The following CHCHD6 variants were observed in gnomAD, a reference collection of about 807,000 sequenced individuals.
CHCHD6 encodes MICOS complex subunit MIC25.
CHCHD6 carries 28 observed loss-of-function variants against 32.3 expected under a neutral mutation model. The ratio of observed to expected loss-of-function variants is 0.87; its 90% CI spans 0.64 to 1.19. The LOEUF (loss-of-function observed/expected upper bound fraction) is 1.19, where lower values mean the gene tolerates loss of function less well. Ranked by LOEUF, CHCHD6 falls within the 50% of genes most tolerant of loss-of-function variation. The pLI, the probability that CHCHD6 is intolerant of heterozygous loss-of-function variation, is 0.00. For missense variants in CHCHD6, 333 were observed against 307.0 expected, an observed-to-expected ratio of 1.08 and a Z score of -0.63; for synonymous variants, 122 against 117.5, an observed-to-expected ratio of 1.04 and a Z score of -0.25.
At chr3:126,726,331 C>T (rs189807933) in intron 1 of CHCHD6, among the ~76,000 whole-genome samples, 26 of 152,234 alleles carry the variant, frequency 1.7e-4, no homozygotes, top group Admixed American at 1.4e-3. Context: ...CGGTTAAGTT[C>T]GCCGTCTTAC....
intron 5 of CHCHD6, chr3:126,855,007 C>G (rs957685854): frequency 6.6e-6 from 1 of 152,188 alleles, no homozygotes; most frequent in African/African-American, 2.4e-5. Flanking sequence ...ACTTATGGAC[C>G]CTTTTGTCTG....
intron 5 of CHCHD6, among the ~76,000 whole-genome samples, chr3:126,866,445 G>A (rs531599372): frequency 6.6e-6 from 1 of 152,328 alleles, no homozygotes; most frequent in East Asian, 1.9e-4. Flanking sequence ...CCTTGAACAA[G>A]CCTGTGAGGA....
At chr3:126,950,085 G>C (rs1240060599) in intron 6 of CHCHD6, among the ~76,000 whole-genome samples, 1 of 152,106 alleles carries the variant, frequency 6.6e-6, no homozygotes, top group Non-Finnish European at 1.5e-5. Flanking sequence ...CCATGGGTGT[G>C]AAGGGAAGTC....
In CHCHD6 at chr3:126,863,656, C is replaced by T. The variant is rs868853848; in HGVS notation, c.495+10926C>T. ...ACCCTCTTCCACCATCACCACCTCC[C>T]CCTCCTCCACCATCACCACCTCCTC... On this transcript the variant is annotated intron_variant, in intron 5 of 7. Transcript: ENST00000290913. 5.9e-3 allele frequency among the ~76,000 whole-genome samples: 501 copies of T among 84,260 alleles called. 6 individuals carry two copies. Among genetic ancestry groups the T allele is most frequent in the African/African-American group, 0.022 (411 of 18,846 alleles). 55.3% of individuals were successfully genotyped at this position (84,260 alleles called of 152,430 possible).
intron 5 of CHCHD6, among the ~76,000 whole-genome samples, chr3:126,859,732 C>G (rs537123624): frequency 1.1e-4 from 16 of 152,134 alleles, no homozygotes; most frequent in Admixed American, 3.3e-4. Flanking sequence ...GTCAGGTCTG[C>G]GAGACTCCAG....
intron 4 of CHCHD6, among the ~76,000 whole-genome samples, chr3:126,745,596 C>A (rs879851771): frequency 2.6e-5 from 4 of 152,142 alleles, no homozygotes; most frequent in Admixed American, 2.0e-4. Flanking sequence ...AAAGGGACAG[C>A]GAACAGAGTG....
At chr3:126,769,501 CT>C (rs1375092850) in intron 4 of CHCHD6, among the ~76,000 whole-genome samples, 5 of 152,190 alleles carry the variant, frequency 3.3e-5, no homozygotes, top group East Asian at 3.9e-4. Flanking sequence ...TATTTGGGCT[CT>C]TTTTTTCTTT....
chr3:126,815,752 C>G (rs988042189), intron 4 of CHCHD6, among the ~76,000 whole-genome samples: 3 of 150,894 alleles, frequency 2.0e-5, no homozygotes, highest in African/African-American at 7.3e-5. Context: ...CTCCTTTGAT[C>G]TGAAGCATGC....
chr3:126,880,307 T>A (rs2077591692), intron 5 of CHCHD6, among the ~76,000 whole-genome samples: 1 of 152,114 alleles, frequency 6.6e-6, no homozygotes, highest in Non-Finnish European at 1.5e-5. Context: ...TAGAAGCCCC[T>A]CCTGCAGGGC....
At chr3:126,792,835 G>A (rs1435091902) in intron 4 of CHCHD6, among the ~76,000 whole-genome samples, 3 of 152,056 alleles carry the variant, frequency 2.0e-5, no homozygotes. Flanking sequence ...TCTGAGAGTT[G>A]TGTTGAAGTC....
intron 4 of CHCHD6, among the ~76,000 whole-genome samples, chr3:126,847,417 T>C (rs1451246020): frequency 6.6e-6 from 1 of 152,206 alleles, no homozygotes; most frequent in African/African-American, 2.4e-5. Flanking sequence ...TTCACAGTGG[T>C]AGTGGACGCA....
chr3:126,873,294 TAGA>T (rs1389361770), intron 5 of CHCHD6, among the ~76,000 whole-genome samples: 11 of 152,266 alleles, frequency 7.2e-5, no homozygotes, highest in Non-Finnish European at 1.6e-4. Context: ...GTGCAGTGAG[TAGA>T]AGGTTTGTCT....
intron 4 of CHCHD6, among the ~76,000 whole-genome samples, chr3:126,850,625 G>A (rs1941439434): frequency 6.6e-6 from 1 of 152,302 alleles, no homozygotes; most frequent in South Asian, 2.1e-4. Flanking sequence ...GTAGAGAATG[G>A]CAGCTGAAGA....
At chr3:126,864,452 GCCA>G (rs1311795392) in intron 5 of CHCHD6, among the ~76,000 whole-genome samples, 1 of 88,254 alleles carries the variant, frequency 1.1e-5, no homozygotes, top group Non-Finnish European at 2.3e-5. Context: ...CATCATCACT[GCCA>G]CCACCACCTC....
chr3:126,813,586 G>A (rs1396273024), intron 4 of CHCHD6, among the ~76,000 whole-genome samples: 2 of 152,176 alleles, frequency 1.3e-5, no homozygotes, highest in African/African-American at 4.8e-5. Flanking sequence ...ATTTGAGAAA[G>A]GCATTAGTTT....
At chr3:126,952,747 C>T (rs548764848) in intron 6 of CHCHD6, among the ~76,000 whole-genome samples, 12 of 152,168 alleles carry the variant, frequency 7.9e-5, no homozygotes, top group Admixed American at 2.6e-4. Context: ...GGATGGAGTG[C>T]GGGGAATGGA....
intron 5 of CHCHD6, among the ~76,000 whole-genome samples, chr3:126,912,063 G>A (rs2078098573): frequency 1.3e-5 from 2 of 151,986 alleles, no homozygotes; most frequent in African/African-American, 4.8e-5. Flanking sequence ...GCTGAGGTGG[G>A]TGCTGTGTGC....
chr3:126,793,065 T>C (rs1938627581), intron 4 of CHCHD6, among the ~76,000 whole-genome samples: 1 of 152,204 alleles, frequency 6.6e-6, no homozygotes, highest in Non-Finnish European at 1.5e-5. Flanking sequence ...CATCCAGCTT[T>C]CTTTTCATTA....
chr3:126,818,122 T>C (rs1218157623), intron 4 of CHCHD6, among the ~76,000 whole-genome samples: 1 of 152,188 alleles, frequency 6.6e-6, no homozygotes, highest in Admixed American at 6.5e-5. Flanking sequence ...CCTCCTCACT[T>C]TTTTTAGGTA....
Sources: gnomAD v4.1 joint callset for allele counts (sites outside exome capture counted in the v4.1 genomes callset) on GRCh38, gnomAD v4.1.1 for gene constraint, MANE v1.5 for transcripts, NCBI Gene and HGNC (gene_info 2026-07-23, HGNC 2026-07-21) for gene names.